Variants in KSR2 observed in about 807,000 individuals in gnomAD.
KSR2 encodes the protein kinase suppressor of ras 2.
In KSR2, 25 loss-of-function variants were observed where a neutral mutation model predicts 107.8. The ratio of observed to expected loss-of-function variants is 0.23; its 90% CI spans 0.17 to 0.32. The LOEUF (loss-of-function observed/expected upper bound fraction) is 0.32. Among genes scored for constraint, KSR2 ranks in the 10% least tolerant of loss-of-function variants. KSR2 has a pLI of 1.00. For missense variants in KSR2, 887 were observed against 1,268.9 expected, an observed-to-expected ratio of 0.70 and a Z score of 4.57; for synonymous variants, 480 against 507.0, an observed-to-expected ratio of 0.95 and a Z score of 0.71.
At chr12:117,586,098 C>T (rs1469886556) in intron 5 of KSR2, among the ~76,000 whole-genome samples, 1 of 152,066 alleles carries the variant, frequency 6.6e-6, no homozygotes, top group Admixed American at 6.6e-5. Context: ...ACAGCAGGAA[C>T]CAACATTAAC....
chr12:117,596,859 T>C (rs1327085120), intron 5 of KSR2, among the ~76,000 whole-genome samples: 1 of 152,234 alleles, frequency 6.6e-6, no homozygotes, highest in Non-Finnish European at 1.5e-5. Context: ...ATGCTCACTA[T>C]AGCTTTGATA....
At chr12:117,509,096 G>A (rs537078795) in intron 14 of KSR2, among the ~76,000 whole-genome samples, 1 of 152,096 alleles carries the variant, frequency 6.6e-6, no homozygotes, top group South Asian at 2.1e-4. Context: ...ACTTCTGAGG[G>A]TTCAGCTTAG....
At chr12:117,725,340 G>A (rs1887382534) in intron 4 of KSR2, among the ~76,000 whole-genome samples, 1 of 152,134 alleles carries the variant, frequency 6.6e-6, no homozygotes, top group South Asian at 2.1e-4. Flanking sequence ...GAGCAGGCTA[G>A]TAGATCAATG....
At chr12:117,895,606 G>A (rs57132757) in intron 1 of KSR2, among the ~76,000 whole-genome samples, 19,773 of 152,100 alleles carry the variant, frequency 0.13, 1,386 homozygotes, top group East Asian at 0.18. Flanking sequence ...AGGATGTGGT[G>A]AATGCAGAAC....
chr12:117,915,686 C>T (rs1278286259), intron 1 of KSR2, among the ~76,000 whole-genome samples: 1 of 152,198 alleles, frequency 6.6e-6, no homozygotes, highest in African/African-American at 2.4e-5. Context: ...AAAACTTCGG[C>T]TCGAGATATA....
At chr12:117,610,738 C>A (rs377671922) in intron 5 of KSR2, among the ~76,000 whole-genome samples, 1,600 of 110,482 alleles carry the variant, frequency 0.014, no homozygotes, top group South Asian at 0.02. Context: ...GACCCTGTCT[C>A]AAAAAAAAAA....
chr12:117,716,509 C>T (rs1217864245), intron 4 of KSR2, among the ~76,000 whole-genome samples: 1 of 152,214 alleles, frequency 6.6e-6, no homozygotes, highest in Non-Finnish European at 1.5e-5. Context: ...AAGTTGATTA[C>T]TTATTGAAAT....
chr12:117,868,380 G>A (rs1301126584), intron 1 of KSR2, among the ~76,000 whole-genome samples: 2 of 150,050 alleles, frequency 1.3e-5, no homozygotes, highest in Non-Finnish European at 3.0e-5. Context: ...CCGAGATCAC[G>A]CCACTGCACT....
At chr12:117,699,963 C>T (rs1360519972) in intron 4 of KSR2, among the ~76,000 whole-genome samples, 2 of 152,088 alleles carry the variant, frequency 1.3e-5, no homozygotes, top group Non-Finnish European at 2.9e-5. Context: ...ACCTATGCCT[C>T]CCAGGTTCAA....
At chr12:117,495,753 T>TA (rs1414237216) in intron 14 of KSR2, among the ~76,000 whole-genome samples, 1 of 152,134 alleles carries the variant, frequency 6.6e-6, no homozygotes, top group Non-Finnish European at 1.5e-5. Flanking sequence ...CTGATTTTGC[T>TA]AAGTCAAGAG....
intron 7 of KSR2, among the ~76,000 whole-genome samples, chr12:117,572,699 TAAA>T (rs35907962): frequency 1.3e-4 from 16 of 123,672 alleles, no homozygotes; most frequent in South Asian, 2.5e-4. Context: ...TCCAGCCCAT[TAAA>T]AAAAAAAAAA....
At chr12:117,635,785 G>A (rs1187862490) in intron 5 of KSR2, among the ~76,000 whole-genome samples, 1 of 148,800 alleles carries the variant, frequency 6.7e-6, no homozygotes, top group African/African-American at 2.5e-5. Flanking sequence ...AAACCACATT[G>A]GTATGTTACT....
At chr12:117,507,876 A>G (rs1436163334) in intron 14 of KSR2, among the ~76,000 whole-genome samples, 1 of 151,992 alleles carries the variant, frequency 6.6e-6, no homozygotes, top group Non-Finnish European at 1.5e-5. Context: ...AGGCTGAACT[A>G]CCTCAGGACC....
rs76418745 is a variant in KSR2 at position 117,481,955 on chromosome 12, C to A, written c.2450+2461G>T. 8.4e-3 allele frequency among the ~76,000 whole-genome samples: 1,271 copies of A among 152,106 alleles called. 16 individuals carry two copies. Among genetic ancestry groups the A allele is most frequent in the African/African-American group, 0.029 (1,188 of 41,460 alleles). ...AAATGGACCTGAACCCCTGAGGGGA[C>A]CCTGTGGATCCCTAGAGCTACACTG... On this transcript the variant is annotated intron_variant, in intron 16 of 19. Transcript: ENST00000339824.
chr12:117,635,204 C>G (rs1883010337), intron 5 of KSR2, among the ~76,000 whole-genome samples: 1 of 152,102 alleles, frequency 6.6e-6, no homozygotes, highest in Admixed American at 6.6e-5. Flanking sequence ...TTCCCCACAG[C>G]CAGACTTTTT....
At chr12:117,778,516 T>C (rs1292164434) in intron 3 of KSR2, among the ~76,000 whole-genome samples, 5 of 152,222 alleles carry the variant, frequency 3.3e-5, no homozygotes, top group Admixed American at 2.6e-4. Flanking sequence ...ATTCTATTCA[T>C]GCATAGGGCT....
At chr12:117,601,301 G>C (rs933291711) in intron 5 of KSR2, among the ~76,000 whole-genome samples, 2 of 150,644 alleles carry the variant, frequency 1.3e-5, no homozygotes, top group Non-Finnish European at 3.0e-5. Flanking sequence ...ATCTTGGGGG[G>C]GGGGGTACCT....
At chr12:117,788,737 T>C (rs1032474342) in intron 3 of KSR2, among the ~76,000 whole-genome samples, 1 of 152,188 alleles carries the variant, frequency 6.6e-6, no homozygotes, top group Non-Finnish European at 1.5e-5. Context: ...GGTCTCAAAA[T>C]CCTGACTTCA....
intron 1 of KSR2, among the ~76,000 whole-genome samples, chr12:117,872,319 C>T (rs1183225059): frequency 6.6e-6 from 1 of 152,122 alleles, no homozygotes; most frequent in Non-Finnish European, 1.5e-5. Flanking sequence ...AACATTGCTA[C>T]TCGTGAGGCT....
Sources: allele counts gnomAD v4.1 joint callset (sites outside exome capture counted in the v4.1 genomes callset), GRCh38; gene constraint gnomAD v4.1.1; transcripts MANE v1.5; gene names NCBI Gene and HGNC (gene_info 2026-07-23, HGNC 2026-07-21).